The following RBPMS variants were observed in gnomAD, a reference collection of about 807,000 sequenced individuals.
RBPMS encodes RNA-binding protein with multiple splicing.
A neutral mutation model predicts 26.8 loss-of-function variants in RBPMS; 7 were observed. The observed-to-expected ratio is 0.26, with a 90% CI of 0.15 to 0.49. The LOEUF is 0.49. Ranked by LOEUF, RBPMS falls within the 20% of genes least tolerant of loss-of-function variation. The pLI is 0.98. For synonymous variants in RBPMS, 96 were observed against 93.3 expected (o/e 1.03, Z -0.17); for missense variants, 186 against 250.0 (o/e 0.74, Z 1.73).
chr8:30,532,188 C>G (rs114727543), intron 5 of RBPMS, among the ~76,000 whole-genome samples: 1 of 151,984 alleles, frequency 6.6e-6, no homozygotes, highest in Non-Finnish European at 1.5e-5. Context: ...GTCTGAGGCA[C>G]GAAGAATGAG....
chr8:30,521,332 T>G (rs1445263011), intron 5 of RBPMS, among the ~76,000 whole-genome samples: 1 of 152,208 alleles, frequency 6.6e-6, no homozygotes, highest in Non-Finnish European at 1.5e-5. Flanking sequence ...GAATATTTAG[T>G]GGCTTTCTAG....
chr8:30,393,877 A>T (rs1305136062), intron 1 of RBPMS, among the ~76,000 whole-genome samples: 1 of 145,390 alleles, frequency 6.9e-6, no homozygotes, highest in African/African-American at 2.6e-5. Context: ...CAGCCCAGCT[A>T]AGTGTCAGCT....
intron 5 of RBPMS, among the ~76,000 whole-genome samples, chr8:30,538,491 A>G (rs1238129041): frequency 6.6e-6 from 1 of 152,102 alleles, no homozygotes; most frequent in Non-Finnish European, 1.5e-5. Context: ...CCTGACCTCA[A>G]GTAATCCACC....
chr8:30,514,358 C>T (rs1363361438), intron 5 of RBPMS, among the ~76,000 whole-genome samples: 1 of 152,012 alleles, frequency 6.6e-6, no homozygotes, highest in Non-Finnish European at 1.5e-5. Context: ...CACTCATAAA[C>T]TATGGTTATT....
intron 1 of RBPMS, among the ~76,000 whole-genome samples, chr8:30,450,655 A>G (rs986449813): frequency 1.3e-5 from 2 of 152,130 alleles, no homozygotes; most frequent in Non-Finnish European, 2.9e-5. Context: ...AAAGTGCTGC[A>G]TAGTATTTCC....
intron 4 of RBPMS, among the ~76,000 whole-genome samples, chr8:30,502,463 GC>G (rs1820662620): frequency 1.3e-5 from 2 of 152,182 alleles, no homozygotes; most frequent in South Asian, 4.1e-4. Context: ...AGTGGCCTGG[GC>G]CACAGGACTC....
At chr8:30,443,127 C>A (rs941092414) in intron 1 of RBPMS, among the ~76,000 whole-genome samples, 3 of 152,176 alleles carry the variant, frequency 2.0e-5, no homozygotes, top group Non-Finnish European at 4.4e-5. Flanking sequence ...ACCTCAAGCC[C>A]TGCAGCTTCT....
intron 1 of RBPMS, among the ~76,000 whole-genome samples, chr8:30,443,315 TA>T (rs982682342): frequency 1.3e-4 from 19 of 151,636 alleles, no homozygotes; most frequent in East Asian, 7.7e-4. Flanking sequence ...TAATTATGGC[TA>T]AAAAAAAATT....
intron 5 of RBPMS, among the ~76,000 whole-genome samples, chr8:30,505,499 C>T (rs1251126600): frequency 1.3e-5 from 2 of 152,078 alleles, no homozygotes; most frequent in Non-Finnish European, 2.9e-5. Context: ...AGATAAGTCT[C>T]CCTGAATGTT....
Position 30,496,390 on chromosome 8 carries a change from G to C in RBPMS, c.247-7896G>C, listed in dbSNP as rs143792314. ...TCACCGTGTTAGCCAGGGTGGTCTC[G>C]ATCTCCCAACCTCGTGATCTGCCCT... On this transcript the variant is annotated intron_variant, in intron 4 of 8. Coordinates refer to ENST00000397323, the MANE Select transcript of RBPMS (RefSeq NM_001008710.3). 9.8e-3 allele frequency among the ~76,000 whole-genome samples: 1,493 copies of C among 152,120 alleles called. 95 individuals are homozygous for C. Among genetic ancestry groups the C allele is most frequent in the Admixed American group, 0.079 (1,213 of 15,284 alleles).
intron 4 of RBPMS, among the ~76,000 whole-genome samples, chr8:30,487,513 G>A (rs183434243): frequency 3.3e-5 from 5 of 152,076 alleles, no homozygotes; most frequent in African/African-American, 1.2e-4. Context: ...GCAATATGAG[G>A]TATTTTCTTT....
intron 1 of RBPMS, among the ~76,000 whole-genome samples, chr8:30,412,931 A>G (rs760104237): frequency 8.7e-4 from 133 of 152,326 alleles, no homozygotes; most frequent in Non-Finnish European, 1.3e-3. Context: ...TTAGGCTATC[A>G]TAGGCCTTTT....
At chr8:30,538,461 G>A (rs1298446303) in intron 5 of RBPMS, among the ~76,000 whole-genome samples, 1 of 152,080 alleles carries the variant, frequency 6.6e-6, no homozygotes, top group African/African-American at 2.4e-5. Flanking sequence ...TCACCATGTG[G>A]GCCAGGCTGA....
At chr8:30,452,581 C>T (rs984127155) in intron 1 of RBPMS, among the ~76,000 whole-genome samples, 5 of 152,144 alleles carry the variant, frequency 3.3e-5, no homozygotes, top group African/African-American at 1.2e-4. Flanking sequence ...AGGGAGGATC[C>T]GTATCTCATT....
chr8:30,472,760 A>C lies in RBPMS; in HGVS notation c.67-2019A>C, dbSNP rs1275562048. 2.6e-5 allele frequency among the ~76,000 whole-genome samples: 4 copies of C among 152,206 alleles called. No homozygotes were observed. In the East Asian group the frequency reaches 7.7e-4, roughly 29 times the overall value. On this transcript the variant is annotated intron_variant, in intron 1 of 8. Transcript: ENST00000397323. ...TTGGTGATTCGCACTTCTGTGTAAC[A>C]GGAAACAGTGAAAAGTGTTAGGAAT...
intron 5 of RBPMS, among the ~76,000 whole-genome samples, chr8:30,540,456 C>G (rs1266779167): frequency 1.3e-5 from 2 of 152,178 alleles, no homozygotes; most frequent in African/African-American, 2.4e-5. Flanking sequence ...GGGTCTTACT[C>G]TGTTGCCCTG....
chr8:30,444,149 G>T (rs539747176), intron 1 of RBPMS, among the ~76,000 whole-genome samples: 156 of 152,152 alleles, frequency 1.0e-3, no homozygotes, highest in African/African-American at 3.6e-3. Context: ...TCCGGCCTTG[G>T]CCTCCCAAAT....
intron 1 of RBPMS, among the ~76,000 whole-genome samples, chr8:30,436,693 C>G (rs141847992): frequency 6.6e-6 from 1 of 152,192 alleles, no homozygotes; most frequent in Admixed American, 6.5e-5. Context: ...TTCTCCAAGT[C>G]TAGGGTATGC....
In RBPMS at chr8:30,443,235, C is replaced by T. The variant is rs1171245965; in HGVS notation, c.67-31544C>T. Among the ~76,000 whole-genome samples, 4 of 152,142 alleles carry T rather than the reference C, an allele frequency of 2.6e-5. No homozygotes were observed. The East Asian group carries it at 7.7e-4, about 29-fold the overall frequency. Reference sequence around the variant, plus strand: ...GTCAATATACTCCTAAACTGTAATACTTAATATTTTTTCTCTGAAGACTAT... The same window carrying T: ...GTCAATATACTCCTAAACTGTAATATTTAATATTTTTTCTCTGAAGACTAT... On this transcript the variant is annotated intron_variant, in intron 1 of 8. Coordinates refer to ENST00000397323, the MANE Select transcript of RBPMS (RefSeq NM_001008710.3).
Sources: gnomAD v4.1 joint callset for allele counts (sites outside exome capture counted in the v4.1 genomes callset) on GRCh38, gnomAD v4.1.1 for gene constraint, MANE v1.5 for transcripts, NCBI Gene and HGNC (gene_info 2026-07-23, HGNC 2026-07-21) for gene names.